GARNL3: variants seen among roughly 807,000 people sequenced by gnomAD.
The protein encoded by GARNL3 is GTPase activating Rap/RanGAP domain like 3.
A neutral mutation model predicts 125.0 loss-of-function variants in GARNL3; 63 were observed. The observed-to-expected ratio is 0.50, with a 90% confidence interval of 0.41 to 0.62. GARNL3 has a LOEUF of 0.62. Ranked by LOEUF, GARNL3 falls within the 20% of genes least tolerant of loss-of-function variation. The pLI is 0.00. For missense variants in GARNL3, 994 were observed against 1,244.0 expected, an observed-to-expected ratio of 0.80 and a Z score of 3.02; for synonymous variants, 439 against 457.5, an observed-to-expected ratio of 0.96 and a Z score of 0.52.
In GARNL3 at chr9:127,384,490, C is replaced by A. The variant is rs1040841734; in HGVS notation, c.2270-537C>A. ...AGGGGCCAGCCCTTAACAAATAACT[C>A]AGCAAACCCCTTGATGCCGAGGGAC... On this transcript the variant is annotated intron_variant, in intron 23 of 27. Transcript: ENST00000373387. This position sits in a 1 kb window ranked among gnomAD's most constrained non-coding sequence, Gnocchi z 4.0. Among the ~76,000 whole-genome samples the A allele has an allele frequency of 6.6e-6, 1 of 152,194 alleles. No homozygotes were observed. The highest frequency in any genetic ancestry group is 2.4e-5 in the African/African-American group (1 of 41,446).
chr9:127,289,298 GT>G (rs1201157173), intron 1 of GARNL3, among the ~76,000 whole-genome samples: 5 of 152,172 alleles, frequency 3.3e-5, no homozygotes, highest in African/African-American at 1.2e-4. Context: ...AGGTTTGATA[GT>G]TTGCTAGAAG....
chr9:127,360,437 C>T (rs377352293), intron 21 of GARNL3, among the ~76,000 whole-genome samples: 3 of 152,284 alleles, frequency 2.0e-5, no homozygotes, highest in African/African-American at 4.8e-5. Flanking sequence ...CCAGCAGGCA[C>T]GGTGCAGTGC....
chr9:127,290,378 T>G (rs566140751), intron 1 of GARNL3, among the ~76,000 whole-genome samples: 1 of 152,224 alleles, frequency 6.6e-6, no homozygotes, highest in Non-Finnish European at 1.5e-5. Context: ...TCTGTTTTGC[T>G]GAGTGAGCTC....
chr9:127,338,409 G>C (rs967619743), intron 12 of GARNL3, among the ~76,000 whole-genome samples: 3 of 152,114 alleles, frequency 2.0e-5, no homozygotes, highest in Admixed American at 6.5e-5. Flanking sequence ...ATGGGAACAG[G>C]TTTGATATAT....
chr9:127,381,619 T>C (rs1447129768), intron 22 of GARNL3, among the ~76,000 whole-genome samples: 1 of 152,084 alleles, frequency 6.6e-6, no homozygotes, highest in Non-Finnish European at 1.5e-5. Context: ...TTTTTTGAGA[T>C]GGAGTCTCGC....
intron 1 of GARNL3, among the ~76,000 whole-genome samples, chr9:127,281,177 A>G (rs1252565762): frequency 6.6e-6 from 1 of 152,056 alleles, no homozygotes; most frequent in African/African-American, 2.4e-5. Flanking sequence ...AAAGAGCCCG[A>G]GTGGGTTATG....
chr9:127,339,737 T>C lies in GARNL3; in HGVS notation c.1121T>C (p.Phe374Ser). ...VFTDHQEFRDFLLVKLINGEK... is the reference protein window; with the variant it reads ...VFTDHQEFRDSLLVKLINGEK... ...ACAGACCACCAGGAATTCAGGGACTTTTTGCTAGTGAAATGTAAGTTTCTG... is the reference window on the plus strand; with the variant it reads ...ACAGACCACCAGGAATTCAGGGACTCTTTGCTAGTGAAATGTAAGTTTCTG... The change falls in exon 13 of 28, where the codon TTT (phenylalanine) becomes TCT (serine). Residue 374 changes from phenylalanine to serine, a missense_variant. Coordinates refer to ENST00000373387, the MANE Select transcript of GARNL3 (RefSeq NM_032293.5). 1 of 1,610,552 alleles carries C rather than the reference T, an allele frequency of 6.2e-7. No individual in the cohort carries two copies. The highest frequency in any genetic ancestry group is 1.6e-4 in the Middle Eastern group (1 of 6,062).
chr9:127,361,271 AAG>A (rs61658215), intron 21 of GARNL3, among the ~76,000 whole-genome samples: 61 of 148,778 alleles, frequency 4.1e-4, no homozygotes, highest in East Asian at 5.9e-4. Context: ...TATTTTTTTT[AAG>A]AGAGAGAGAG....
In GARNL3 at chr9:127,384,791, A is replaced by G. The variant is rs923685269; in HGVS notation, c.2270-236A>G. On this transcript the variant is annotated intron_variant, in intron 23 of 27. Transcript: ENST00000373387. The surrounding 1 kb of genome is among the most constrained non-coding windows in gnomAD (Gnocchi z 4.0). ...TCCATGGGGGAAAATGGCAGCAAGC[A>G]TGGTGACAGTGCACACCTCCTGGGA... is the stretch of plus-strand genomic sequence containing the variant. 3.3e-5 allele frequency among the ~76,000 whole-genome samples: 5 copies of G among 152,224 alleles called. No homozygotes were observed. The highest frequency in any genetic ancestry group is 1.2e-4 in the African/African-American group (5 of 41,452).
intron 27 of GARNL3, among the ~76,000 whole-genome samples, chr9:127,391,427 G>A (rs1832830392): frequency 6.9e-6 from 1 of 144,074 alleles, no homozygotes; most frequent in Non-Finnish European, 1.5e-5. Context: ...GGTGGCTCAT[G>A]CCTGTAATCC....
chr9:127,304,178 C>T (rs2064880806), intron 2 of GARNL3, among the ~76,000 whole-genome samples: 1 of 152,186 alleles, frequency 6.6e-6, no homozygotes, highest in South Asian at 2.1e-4. Flanking sequence ...TCACCTTAAA[C>T]TCCTATAGAC....
chr9:127,376,379 C>G (rs950110405), intron 22 of GARNL3, among the ~76,000 whole-genome samples: 1 of 151,878 alleles, frequency 6.6e-6, no homozygotes, highest in Non-Finnish European at 1.5e-5. Flanking sequence ...CCACCTTGCC[C>G]GGCTAATTTT....
chr9:127,298,297 G>A (rs1051892492), intron 2 of GARNL3, among the ~76,000 whole-genome samples: 1 of 152,104 alleles, frequency 6.6e-6, no homozygotes, highest in African/African-American at 2.4e-5. Context: ...TCCTGCCTCA[G>A]CCTCCCAAAT....
chr9:127,379,469 C>A (rs186008654), intron 22 of GARNL3, among the ~76,000 whole-genome samples: 228 of 152,278 alleles, frequency 1.5e-3, no homozygotes, highest in African/African-American at 5.4e-3. Flanking sequence ...GATTCTGGCA[C>A]CCTCTCTCTG....
chr9:127,249,453 G>A (rs969194578), intron 2 of GARNL3, among the ~76,000 whole-genome samples: 1 of 152,052 alleles, frequency 6.6e-6, no homozygotes, highest in Admixed American at 6.6e-5. Flanking sequence ...GGGCATGGTG[G>A]TGTGTGCCTG....
Position 127,316,143 on chromosome 9 carries a change from C to T in GARNL3, c.439-1920C>T, listed in dbSNP as rs150472825. On this transcript the variant is annotated intron_variant, in intron 4 of 27. Transcript: ENST00000373387. ...CCACAATCCCAGGAGCCCTGAGTTT[C>T]GCACCCACATAGGCAGCTCATGAAG... Among the ~76,000 whole-genome samples, 70 of 152,280 alleles carry T rather than the reference C, an allele frequency of 4.6e-4. 1 individual carries two copies. Among genetic ancestry groups the T allele is most frequent in the African/African-American group, 1.6e-3 (68 of 41,564 alleles).
chr9:127,318,022 T>C (rs756725027), intron 4 of GARNL3, 41 bp from the exon 5 acceptor site: 1 of 1,212,306 alleles, frequency 8.2e-7, no homozygotes, highest in Admixed American at 1.7e-5. Context: ...GAGAAGGAAG[T>C]TGTAGAACTT....
chr9:127,240,798 C>T (rs2063190236), intron 1 of GARNL3, among the ~76,000 whole-genome samples: 1 of 147,536 alleles, frequency 6.8e-6, no homozygotes, highest in Non-Finnish European at 1.5e-5. Flanking sequence ...GTCCCAGCTA[C>T]TCAGGAGGTT....
chr9:127,230,043 G>C (rs148309815), intron 1 of GARNL3, among the ~76,000 whole-genome samples: 346 of 152,334 alleles, frequency 2.3e-3, no homozygotes, highest in Middle Eastern at 0.017. Flanking sequence ...TGGGAAACCT[G>C]GATGCAGTAG....
Sources: allele counts gnomAD v4.1 joint callset (sites outside exome capture counted in the v4.1 genomes callset), GRCh38; gene constraint gnomAD v4.1.1; non-coding constraint Gnocchi (gnomAD v3.1); transcripts MANE v1.5; gene names NCBI Gene and HGNC (gene_info 2026-07-23, HGNC 2026-07-21).